EP300: variants seen among roughly 807,000 people sequenced by gnomAD.
The protein encoded by EP300 is EP300 lysine acetyltransferase, also known as histone acetyltransferase p300.
In EP300, 31 loss-of-function variants were observed where a neutral mutation model predicts 264.0. The observed-to-expected ratio is 0.12, with a 90% CI of 0.09 to 0.16. The LOEUF (loss-of-function observed/expected upper bound fraction) is 0.16, where lower values mean the gene tolerates loss of function less well. EP300 is among the 10% of genes least tolerant of loss of function. The probability of loss-of-function intolerance (pLI) is 1.00; values close to 1 mark genes in which losing one functional copy is unlikely to be tolerated. For synonymous variants in EP300, 1,340 were observed against 1,045.4 expected, an observed-to-expected ratio of 1.28 and a Z score of -5.44; for missense variants, 2,766 against 3,052.9, an observed-to-expected ratio of 0.91 and a Z score of 2.21.
In EP300 at chr22:41,117,493, C is replaced by T; in HGVS notation, c.401C>T (p.Pro134Leu). The T allele has an allele frequency of 6.2e-7, 1 of 1,613,574 alleles. No homozygotes were observed. Among genetic ancestry groups the T allele is most frequent in the Non-Finnish European group, 8.5e-7 (1 of 1,179,492 alleles). Residue 134 changes from proline to leucine, a missense_variant, in exon 2 of 31, where the codon CCC (proline) becomes CTC (leucine). Pro to Leu is a moderately conservative substitution (Grantham distance 98, BLOSUM62 -3). Coordinates refer to ENST00000263253, the MANE Select transcript of EP300 (RefSeq NM_001429.4). ...ATGACACAGGCAGGCTTGACTTCTC[C>T]CAACATGGGGATGGGCACTAGTGGA... ...SPMTQAGLTS[P>L]NMGMGTSGPN...
chr22:41,142,807 A>AC (rs1393711279), intron 10 of EP300, among the ~76,000 whole-genome samples: 1 of 151,688 alleles, frequency 6.6e-6, no homozygotes, highest in African/African-American at 2.4e-5. Context: ...AACAGTGTGA[A>AC]CCCGGGAGGC....
intron 25 of EP300, 31 bp downstream of exon 25, chr22:41,168,898 AT>A: frequency 6.2e-7 from 1 of 1,614,076 alleles, no homozygotes; most frequent in Non-Finnish European, 8.5e-7. Context: ...CTAGCTCCGG[AT>A]TTGTGTGGGA....
chr22:41,159,768 G>C (rs998130301), intron 19 of EP300: 1 of 152,238 alleles, frequency 6.6e-6, no homozygotes, highest in African/African-American at 2.4e-5. Context: ...TCTGCCTCCC[G>C]GGTTCAAGCG....
At chr22:41,096,043 A>G (rs1270823301) in intron 1 of EP300, among the ~76,000 whole-genome samples, 1 of 152,198 alleles carries the variant, frequency 6.6e-6, no homozygotes, top group African/African-American at 2.4e-5. Flanking sequence ...TGTAGCCTTC[A>G]CACCTTTATG....
At chr22:41,099,060 G>A (rs2058717069) in intron 1 of EP300, among the ~76,000 whole-genome samples, 1 of 152,028 alleles carries the variant, frequency 6.6e-6, no homozygotes, top group African/African-American at 2.4e-5. Context: ...ATGGTTTGGG[G>A]GTTGTTTTTG....
chr22:41,174,459 T>C (rs1421382909), intron 29 of EP300: 1 of 152,204 alleles, frequency 6.6e-6, no homozygotes, highest in Non-Finnish European at 1.5e-5. Context: ...GTAAATAGAA[T>C]TGGAGAAAAG....
chr22:41,162,708 C>A lies in EP300; in HGVS notation c.3672-15C>A. ...TCTATCACTTTTTCTCATTGTGTCC[C>A]TTTTCTCTCCTTAGTACAATAAATA... On this transcript the variant is annotated splice_polypyrimidine_tract_variant and intron_variant, in intron 20 of 30. Transcript: ENST00000263253. 6.2e-7 allele frequency: 1 copy of A among 1,603,436 alleles called. No homozygotes were observed. The highest frequency in any genetic ancestry group is 1.3e-5 in the African/African-American group (1 of 74,776).
In EP300 at chr22:41,151,872, A is replaced by G. The variant is rs2059047570; in HGVS notation, c.2857A>G (p.Asn953Asp). ...TGTAAGCATTGAAGGACAGGTATCA[A>G]ATCCTCCATCTACTAGTAGCACAGA... Reference protein sequence around the residue: ...PAVSIEGQVSNPPSTSSTEVN... With the variant: ...PAVSIEGQVSDPPSTSSTEVN... Residue 953 changes from asparagine (N) to aspartate (D), a missense_variant, in exon 15 of 31, where the codon AAT (asparagine) becomes GAT (aspartate). Transcript: ENST00000263253. 1.2e-6 allele frequency: 2 copies of G among 1,614,050 alleles called. No individual in the cohort carries two copies. Among genetic ancestry groups the G allele is most frequent in the Non-Finnish European group, 1.7e-6 (2 of 1,180,018 alleles).
intron 4 of EP300, among the ~76,000 whole-genome samples, chr22:41,129,018 G>C (rs1276445468): frequency 1.4e-5 from 2 of 147,474 alleles, no homozygotes; most frequent in Non-Finnish European, 3.0e-5. Context: ...TAAAAACACA[G>C]TTTTTTTTTT....
intron 14 of EP300, among the ~76,000 whole-genome samples, chr22:41,150,760 G>A (rs961517805): frequency 2.6e-5 from 4 of 151,852 alleles, no homozygotes. Flanking sequence ...ACATGGTAGC[G>A]GGTGCCTGTA....
intron 19 of EP300, 46 bp from the exon 20 acceptor site, chr22:41,160,596 T>C: frequency 6.3e-7 from 1 of 1,588,478 alleles, no homozygotes; most frequent in Admixed American, 1.7e-5. Flanking sequence ...TGGGCTGTGT[T>C]GTGTGAACGG....
chr22:41,128,500 TA>T (rs2058896508), intron 4 of EP300, among the ~76,000 whole-genome samples: 1 of 152,098 alleles, frequency 6.6e-6, no homozygotes, highest in Non-Finnish European at 1.5e-5. Flanking sequence ...TTTTTAAAAT[TA>T]TTTTATTTTA....
At chr22:41,169,338 A>G in intron 25 of EP300, 165 bp from the exon 26 acceptor site, 1 of 638,382 alleles carries the variant, frequency 1.6e-6, no homozygotes, top group Non-Finnish European at 2.8e-6. Context: ...ACTTCCCTGA[A>G]GGGTTCACGG....
At chr22:41,154,376 CTTTTTTTTT>C (rs869304891) in intron 16 of EP300, among the ~76,000 whole-genome samples, 2 of 61,792 alleles carry the variant, frequency 3.2e-5, no homozygotes, top group Admixed American at 3.5e-4. Flanking sequence ...CTTGTGCACT[CTTTTTTTTT>C]TTTTTTTTTT....
intron 7 of EP300, among the ~76,000 whole-genome samples, chr22:41,136,261 C>T (rs751276369): frequency 6.6e-6 from 1 of 152,184 alleles, no homozygotes; most frequent in Admixed American, 6.5e-5. Context: ...CCTGACCTCG[C>T]GATCCGTCTG....
rs762963571 is a variant in EP300 at position 41,160,698 on chromosome 22, G to C, written c.3647G>C (p.Gly1216Ala). Residue 1216 changes from glycine (G) to alanine (A), a missense_variant, in exon 20 of 31, where the codon GGG (glycine) becomes GCG (alanine). Coordinates refer to ENST00000263253, the MANE Select transcript of EP300 (RefSeq NM_001429.4). The stretch of plus-strand genomic sequence containing the variant: ...ATCCAAGGGGAGAGCGTTTCTTTGG[G>C]GGATGACCCTTCCCAGCCTCAAACG... The part of the protein sequence containing the change: ...NEIQGESVSL[G>A]DDPSQPQTTI... 2.5e-6 allele frequency: 4 copies of C among 1,614,046 alleles called. No homozygotes were observed. The highest frequency in any genetic ancestry group is 3.4e-6 in the Non-Finnish European group (4 of 1,179,976).
At chr22:41,136,052 G>C (rs150563866) in intron 7 of EP300, 146 bp downstream of exon 7, 2 of 722,080 alleles carry the variant, frequency 2.8e-6, no homozygotes, top group Non-Finnish European at 4.9e-6. Context: ...TTCTTTTTTC[G>C]CTCTGTAGCC....
intron 7 of EP300, among the ~76,000 whole-genome samples, chr22:41,137,376 AG>A (rs2058957437): frequency 6.7e-6 from 1 of 150,048 alleles, no homozygotes; most frequent in Admixed American, 6.6e-5. Flanking sequence ...AAAAAAAAAA[AG>A]GCATTACAGA....
intron 2 of EP300, among the ~76,000 whole-genome samples, chr22:41,121,746 GACATT>G (rs1388717597): frequency 1.3e-5 from 2 of 152,182 alleles, no homozygotes; most frequent in African/African-American, 4.8e-5. Flanking sequence ...TTTGGATAAA[GACATT>G]ACATTTATTA....
Sources: allele counts gnomAD v4.1 joint callset (sites outside exome capture counted in the v4.1 genomes callset), GRCh38; gene constraint gnomAD v4.1.1; transcripts MANE v1.5; gene names NCBI Gene and HGNC (gene_info 2026-07-23, HGNC 2026-07-21).